Variants in MYRIP observed in about 807,000 individuals in gnomAD.
The protein encoded by MYRIP is myosin VIIA and Rab interacting protein.
A neutral mutation model predicts 98.0 loss-of-function variants in MYRIP; 49 were observed. The ratio of observed to expected loss-of-function variants is 0.50; its 90% CI spans 0.40 to 0.63. The LOEUF (loss-of-function observed/expected upper bound fraction) is 0.63. Ranked by LOEUF, MYRIP falls within the 30% of genes least tolerant of loss-of-function variation. MYRIP has a pLI of 0.00. For missense variants in MYRIP, 1,004 were observed against 1,058.2 expected, an observed-to-expected ratio of 0.95 and a Z score of 0.71; for synonymous variants, 404 against 409.5, an observed-to-expected ratio of 0.99 and a Z score of 0.16.
At chr3:39,842,661 A>G (rs958490815) in intron 1 of MYRIP, among the ~76,000 whole-genome samples, 8 of 152,128 alleles carry the variant, frequency 5.3e-5, no homozygotes, top group Non-Finnish European at 8.8e-5. Context: ...CTGGGCTGGA[A>G]TGCATGGTAC....
intron 3 of MYRIP, among the ~76,000 whole-genome samples, chr3:40,123,751 A>C (rs1357577084): frequency 6.6e-6 from 1 of 152,166 alleles, no homozygotes; most frequent in Non-Finnish European, 1.5e-5. Flanking sequence ...ACCTGTAGCT[A>C]AGGGACCCTG....
chr3:40,150,060 AAG>A (rs1006749567), intron 3 of MYRIP, among the ~76,000 whole-genome samples: 4 of 152,126 alleles, frequency 2.6e-5, no homozygotes, highest in African/African-American at 7.2e-5. Flanking sequence ...TCAGGCATAA[AAG>A]AGAAGAATCT....
At chr3:40,196,911 T>C (rs1243202582) in intron 10 of MYRIP, among the ~76,000 whole-genome samples, 1 of 152,222 alleles carries the variant, frequency 6.6e-6, no homozygotes, top group African/African-American at 2.4e-5. Context: ...CTCTGCTAGA[T>C]GCTTCACCTC....
intron 1 of MYRIP, among the ~76,000 whole-genome samples, chr3:39,811,470 G>A (rs1477657082): frequency 6.6e-6 from 1 of 152,156 alleles, no homozygotes; most frequent in African/African-American, 2.4e-5. Flanking sequence ...CCTATTTGCA[G>A]ATTTCAAAAT....
intron 3 of MYRIP, among the ~76,000 whole-genome samples, chr3:40,115,794 CT>C (rs375597220): frequency 5.3e-3 from 749 of 141,058 alleles, no homozygotes; most frequent in South Asian, 0.01. Context: ...GTTCACAGTT[CT>C]TTTTTTTTTT....
At chr3:40,026,675 T>G (rs1947137566) in intron 2 of MYRIP, among the ~76,000 whole-genome samples, 1 of 152,122 alleles carries the variant, frequency 6.6e-6, no homozygotes, top group African/African-American at 2.4e-5. Context: ...CTTCCTCACT[T>G]CACATTCACT....
intron 1 of MYRIP, among the ~76,000 whole-genome samples, chr3:39,847,530 A>G (rs1447549396): frequency 6.6e-6 from 1 of 152,154 alleles, no homozygotes; most frequent in African/African-American, 2.4e-5. Flanking sequence ...TAGCAAGCCC[A>G]TATGCTCCTT....
intron 1 of MYRIP, among the ~76,000 whole-genome samples, chr3:39,834,240 A>T (rs1941554734): frequency 6.6e-6 from 1 of 152,158 alleles, no homozygotes; most frequent in Non-Finnish European, 1.5e-5. Flanking sequence ...TTGTCTGTAG[A>T]ATTTGCTTTT....
rs542644649 is a variant in MYRIP at position 40,193,506 on chromosome 3, C to T, written c.1665+3043C>T. ...CTGCGGATAATAGGATATTTAAAGA[C>T]TTTTTCAATGTTTTGATTTTATAAA... On this transcript the variant is annotated intron_variant, in intron 10 of 16. Coordinates refer to ENST00000302541, the MANE Select transcript of MYRIP (RefSeq NM_015460.4). Among the ~76,000 whole-genome samples the T allele has an allele frequency of 2.0e-5, 3 of 152,256 alleles. No individual in the cohort carries two copies. In the South Asian group the frequency reaches 6.2e-4, roughly 32 times the overall value.
intron 1 of MYRIP, among the ~76,000 whole-genome samples, chr3:39,816,021 G>A (rs768215339): frequency 6.7e-6 from 1 of 149,836 alleles, no homozygotes; most frequent in Non-Finnish European, 1.5e-5. Context: ...TTATGAAAAC[G>A]TTATATTTCC....
At chr3:39,934,439 G>A (rs1944611942) in intron 2 of MYRIP, among the ~76,000 whole-genome samples, 1 of 152,140 alleles carries the variant, frequency 6.6e-6, no homozygotes, top group South Asian at 2.1e-4. Context: ...GCAGAGACGA[G>A]TCTGGGACCC....
At position 40,170,043 on chromosome 3, in the gene MYRIP, G is replaced by A; in HGVS notation, c.823G>A (p.Glu275Lys). Residue 275 changes from glutamate to lysine, a missense_variant, in exon 8 of 17, where the codon GAG becomes AAG. Coordinates refer to ENST00000302541, the MANE Select transcript of MYRIP (RefSeq NM_015460.4). Reference sequence around the variant, plus strand: ...GAGTTGCAGCACAAAGGTGGCAGATGAGGGGACCTCAGCATCCCCTGGAGG... The same window carrying A: ...GAGTTGCAGCACAAAGGTGGCAGATAAGGGGACCTCAGCATCCCCTGGAGG... Reference protein sequence around the residue: ...PQSCSTKVADEGTSASPGGYR... With the variant: ...PQSCSTKVADKGTSASPGGYR... 2 of 1,614,246 alleles carry A rather than the reference G, an allele frequency of 1.2e-6. No homozygotes were observed. The highest frequency in any genetic ancestry group is 1.3e-5 in the African/African-American group (1 of 75,058).
chr3:39,996,953 A>G (rs895975665), intron 2 of MYRIP, among the ~76,000 whole-genome samples: 2 of 152,220 alleles, frequency 1.3e-5, no homozygotes, highest in Admixed American at 1.3e-4. Context: ...TAACAAAATG[A>G]AGGCAGAAAT....
At chr3:39,894,660 T>C (rs1243300066) in intron 1 of MYRIP, among the ~76,000 whole-genome samples, 1 of 152,248 alleles carries the variant, frequency 6.6e-6, no homozygotes, top group Non-Finnish European at 1.5e-5. Context: ...TTCTTTTAAA[T>C]ACATTTTATT....
chr3:40,218,623 TATATATATATA>T (rs1559460483), intron 11 of MYRIP, among the ~76,000 whole-genome samples: 1,614 of 89,214 alleles, frequency 0.018, 73 homozygotes, highest in East Asian at 0.074. Flanking sequence ...TATATATATA[TATATATATATA>T]TATATATATA....
intron 2 of MYRIP, among the ~76,000 whole-genome samples, chr3:40,005,865 T>C (rs541222684): frequency 6.6e-6 from 1 of 152,304 alleles, no homozygotes; most frequent in East Asian, 1.9e-4. Flanking sequence ...CATGCACACA[T>C]ATATATAATT....
chr3:40,218,613 TATA>T (rs1488299718), intron 11 of MYRIP, among the ~76,000 whole-genome samples: 6 of 16,246 alleles, frequency 3.7e-4, no homozygotes, highest in Non-Finnish European at 1.2e-3. Context: ...ATATATATTT[TATA>T]TATATATATA....
intron 3 of MYRIP, among the ~76,000 whole-genome samples, chr3:40,149,153 T>G (rs1950066810): frequency 6.6e-6 from 1 of 152,222 alleles, no homozygotes. Flanking sequence ...GTTCTACCAT[T>G]ACAAGAAGGT....
intron 3 of MYRIP, among the ~76,000 whole-genome samples, chr3:40,088,550 T>C (rs76584771): frequency 0.094 from 14,234 of 152,232 alleles, 763 homozygotes; most frequent in East Asian, 0.23. Flanking sequence ...ATAGATGAGG[T>C]TCCTACCCTT....
Sources: allele counts gnomAD v4.1 joint callset (sites outside exome capture counted in the v4.1 genomes callset), GRCh38; gene constraint gnomAD v4.1.1; transcripts MANE v1.5; gene names NCBI Gene and HGNC (gene_info 2026-07-23, HGNC 2026-07-21).